The following DNAJC1 variants were observed in gnomAD, a reference collection of about 807,000 sequenced individuals.
DNAJC1 encodes the protein DnaJ heat shock protein family (Hsp40) member C1.
In DNAJC1, 58 loss-of-function variants were observed where a neutral mutation model predicts 76.6. That is an observed-to-expected ratio of 0.76 (90% CI 0.61 to 0.94). DNAJC1 has a LOEUF of 0.94. DNAJC1 is among the 40% of genes least tolerant of loss of function. The pLI, the probability that DNAJC1 is intolerant of heterozygous loss-of-function variation, is 0.00. For synonymous variants in DNAJC1, 258 were observed against 267.9 expected, an observed-to-expected ratio of 0.96 and a Z score of 0.36; for missense variants, 689 against 677.3, an observed-to-expected ratio of 1.02 and a Z score of -0.19.
At chr10:21,883,251 AACACACACACAC>A (rs3032395) in intron 7 of DNAJC1, among the ~76,000 whole-genome samples, 27 of 129,022 alleles carry the variant, frequency 2.1e-4, no homozygotes, top group Admixed American at 5.7e-4. Context: ...TTCTATCTCA[AACACACACACAC>A]ACACACACAC....
intron 9 of DNAJC1, among the ~76,000 whole-genome samples, chr10:21,805,439 GACACACAC>G (rs10657199): frequency 2.3e-4 from 33 of 142,862 alleles, no homozygotes; most frequent in Non-Finnish European, 3.2e-4. Flanking sequence ...GTTACGTATG[GACACACAC>G]ACACACACAC....
chr10:21,908,085 A>T (rs11012821), intron 6 of DNAJC1, among the ~76,000 whole-genome samples: 1 of 113,380 alleles, frequency 8.8e-6, no homozygotes, highest in African/African-American at 3.5e-5. Context: ...AATATATATT[A>T]TATATAAAAT....
chr10:21,882,942 G>C (rs1484998292), intron 7 of DNAJC1, among the ~76,000 whole-genome samples: 1 of 151,930 alleles, frequency 6.6e-6, no homozygotes. Context: ...GCCATCCATT[G>C]GGCTCTTTAT....
Position 21,928,676 on chromosome 10 carries a change from G to A in DNAJC1, c.325-124C>T, listed in dbSNP as rs1047239999. The A allele has an allele frequency of 2.6e-5, 18 of 696,460 alleles. No homozygotes were observed. The African/African-American group carries it at 3.3e-4, about 13-fold the overall frequency. The allele number at this position is 696,460 out of a possible 1,614,324, so 43.1% of individuals were successfully genotyped here. A position where few individuals can be genotyped will look rare whatever the true frequency, so the allele number is the denominator to read the frequency against. The stretch of plus-strand genomic sequence containing the variant: ...GTGCCTATATATACAATAAACAGAT[G>A]AAATCTCCTTTATAAGTAACACTAT... On this transcript the variant is annotated intron_variant, in intron 2 of 11. Transcript: ENST00000376980.
intron 1 of DNAJC1, among the ~76,000 whole-genome samples, chr10:21,937,095 AT>A (rs1016872495): frequency 6.6e-5 from 10 of 151,984 alleles, no homozygotes; most frequent in African/African-American, 1.2e-4. Flanking sequence ...TATAATGAAA[AT>A]TTTTTTTCAT....
intron 8 of DNAJC1, among the ~76,000 whole-genome samples, chr10:21,813,280 C>T (rs1364994809): frequency 7.4e-6 from 1 of 135,090 alleles, no homozygotes; most frequent in Non-Finnish European, 1.5e-5. Flanking sequence ...TCTTGGGTTA[C>T]TTGTCTCTAG....
chr10:21,953,859 A>G (rs1049613398), intron 1 of DNAJC1, among the ~76,000 whole-genome samples: 1 of 150,980 alleles, frequency 6.6e-6, no homozygotes, highest in Non-Finnish European at 1.5e-5. Context: ...GAGGAAAAAA[A>G]AAACCAACTA....
chr10:21,866,945 G>C (rs961340907), intron 8 of DNAJC1, among the ~76,000 whole-genome samples: 13 of 152,034 alleles, frequency 8.6e-5, no homozygotes, highest in African/African-American at 3.1e-4. Context: ...ATCACAAGAA[G>C]AACTAGAAAT....
chr10:21,898,735 G>C (rs925892451), intron 7 of DNAJC1, among the ~76,000 whole-genome samples: 2 of 150,660 alleles, frequency 1.3e-5, no homozygotes, highest in African/African-American at 4.9e-5. Context: ...GTATTTTTTA[G>C]TACATGTATA....
intron 8 of DNAJC1, among the ~76,000 whole-genome samples, chr10:21,862,433 T>G (rs560260856): frequency 5.3e-5 from 8 of 151,086 alleles, no homozygotes; most frequent in African/African-American, 9.7e-5. Context: ...CTACATTTTT[T>G]TTTTTTTTTT....
intron 7 of DNAJC1, among the ~76,000 whole-genome samples, chr10:21,890,982 G>A (rs1346838174): frequency 6.6e-6 from 1 of 152,168 alleles, no homozygotes; most frequent in Non-Finnish European, 1.5e-5. Context: ...CCTGAGGTCA[G>A]GAGTTCGAGT....
intron 10 of DNAJC1, among the ~76,000 whole-genome samples, chr10:21,762,224 A>G (rs1223945953): frequency 6.6e-6 from 1 of 152,242 alleles, no homozygotes; most frequent in East Asian, 1.9e-4. Context: ...GGCATGAGCC[A>G]CCACGCCCAG....
chr10:21,871,560 C>A (rs111241116), intron 8 of DNAJC1, among the ~76,000 whole-genome samples: 2,073 of 152,148 alleles, frequency 0.014, 63 homozygotes, highest in African/African-American at 0.046. Context: ...ACAACTACAA[C>A]AAGCCCAATA....
chr10:21,850,104 T>C (rs957704032), intron 8 of DNAJC1, among the ~76,000 whole-genome samples: 4 of 152,116 alleles, frequency 2.6e-5, no homozygotes, highest in Non-Finnish European at 5.9e-5. Context: ...AACATAGTAC[T>C]GGAAGTTCTA....
chr10:21,911,524 TA>T (rs1235654310), intron 6 of DNAJC1, among the ~76,000 whole-genome samples: 28 of 152,160 alleles, frequency 1.8e-4, no homozygotes, highest in African/African-American at 6.5e-4. Context: ...GTAATAAAAA[TA>T]AAACAGAAAA....
intron 9 of DNAJC1, among the ~76,000 whole-genome samples, chr10:21,779,890 A>G (rs1834505054): frequency 6.6e-6 from 1 of 152,198 alleles, no homozygotes; most frequent in African/African-American, 2.4e-5. Flanking sequence ...CAGTGTAGAG[A>G]AGACCTTCAA....
chr10:21,880,669 C>T (rs1408495436), intron 8 of DNAJC1, among the ~76,000 whole-genome samples: 2 of 152,012 alleles, frequency 1.3e-5, no homozygotes, highest in African/African-American at 2.4e-5. Flanking sequence ...TAAACCATGC[C>T]GTAAACAGAT....
chr10:21,852,061 T>C (rs7393698), intron 8 of DNAJC1, among the ~76,000 whole-genome samples: 7 of 120,738 alleles, frequency 5.8e-5, no homozygotes, highest in African/African-American at 9.5e-5. Context: ...TCAAAAAAAA[T>C]AAAAAATAAA....
At chr10:21,845,171 T>G (rs1207536065) in intron 8 of DNAJC1, among the ~76,000 whole-genome samples, 2 of 152,124 alleles carry the variant, frequency 1.3e-5, no homozygotes, top group African/African-American at 4.8e-5. Flanking sequence ...GGCTTCTGTT[T>G]GTCCTTTCAA....
Sources: gnomAD v4.1 joint callset for allele counts (sites outside exome capture counted in the v4.1 genomes callset) on GRCh38, gnomAD v4.1.1 for gene constraint, MANE v1.5 for transcripts, NCBI Gene and HGNC (gene_info 2026-07-23, HGNC 2026-07-21) for gene names.